The following VPS41 variants were observed in gnomAD, a reference collection of about 807,000 sequenced individuals.
The protein encoded by VPS41 is vacuolar protein sorting-associated protein 41 homolog.
Under a neutral mutation model 130.9 loss-of-function variants are expected in VPS41, and 85 were observed. That is an observed-to-expected ratio of 0.65 (90% CI 0.55 to 0.78). The LOEUF (loss-of-function observed/expected upper bound fraction) is 0.78. Ranked by LOEUF, VPS41 falls within the 30% of genes least tolerant of loss-of-function variation. The pLI is 0.00. For missense variants in VPS41, 874 were observed against 1,018.7 expected (o/e 0.86, Z 1.93); for synonymous variants, 335 against 332.9 (o/e 1.01, Z -0.07).
intron 11 of VPS41, among the ~76,000 whole-genome samples, chr7:38,774,887 C>T (rs1269426462): frequency 6.6e-6 from 1 of 152,060 alleles, no homozygotes; most frequent in African/African-American, 2.4e-5. Context: ...ACTAGGAGAA[C>T]ACCTTAATAA....
intron 4 of VPS41, among the ~76,000 whole-genome samples, chr7:38,851,543 AC>A (rs1222675126): frequency 6.6e-6 from 1 of 152,196 alleles, no homozygotes; most frequent in Non-Finnish European, 1.5e-5. Flanking sequence ...GTTTAGATAT[AC>A]CACATTTTGT....
rs150401866 is a variant in VPS41 at position 38,759,562 on chromosome 7, A to G, written c.1423-1081T>C. On this transcript the variant is annotated intron_variant, in intron 17 of 28. Transcript: ENST00000310301. Reference sequence around the variant, plus strand: ...GAAGAGTTGCAGGGAATATTATTGTACAATAAATCTCCATTTAGCATTCCT... The same window carrying G: ...GAAGAGTTGCAGGGAATATTATTGTGCAATAAATCTCCATTTAGCATTCCT... 2.9e-3 allele frequency among the ~76,000 whole-genome samples: 441 copies of G among 152,322 alleles called. 1 individual carries two copies. Among genetic ancestry groups the G allele is most frequent in the Non-Finnish European group, 4.8e-3 (328 of 68,014 alleles).
intron 17 of VPS41, among the ~76,000 whole-genome samples, chr7:38,760,362 C>T (rs1236858991): frequency 6.6e-6 from 1 of 152,140 alleles, no homozygotes; most frequent in Non-Finnish European, 1.5e-5. Flanking sequence ...AATTGCCTTC[C>T]TTTTGTTCCC....
At chr7:38,782,529 G>C (rs1301722296) in intron 10 of VPS41, among the ~76,000 whole-genome samples, 1 of 152,132 alleles carries the variant, frequency 6.6e-6, no homozygotes, top group African/African-American at 2.4e-5. Context: ...TTTTATGGGA[G>C]GACTAGGTAG....
At chr7:38,813,453 G>A (rs1250811014) in intron 7 of VPS41, among the ~76,000 whole-genome samples, 4 of 152,062 alleles carry the variant, frequency 2.6e-5, no homozygotes, top group African/African-American at 7.2e-5. Context: ...TACGTTGATG[G>A]TTACACAGCA....
chr7:38,809,476 T>G (rs1477194312), intron 7 of VPS41, among the ~76,000 whole-genome samples: 2 of 151,704 alleles, frequency 1.3e-5, no homozygotes, highest in African/African-American at 4.8e-5. Flanking sequence ...AATAATAATT[T>G]TTTAAATATT....
At chr7:38,846,864 G>A (rs777846009) in intron 4 of VPS41, among the ~76,000 whole-genome samples, 43 of 152,234 alleles carry the variant, frequency 2.8e-4, no homozygotes, top group Admixed American at 1.6e-3. Flanking sequence ...AGGATAAAAC[G>A]TCACAGAGAT....
intron 2 of VPS41, among the ~76,000 whole-genome samples, chr7:38,869,963 G>C (rs1158507624): frequency 6.6e-6 from 1 of 152,132 alleles, no homozygotes; most frequent in Non-Finnish European, 1.5e-5. Context: ...GCATCAAAGG[G>C]CTGCTGAGGC....
In VPS41 at chr7:38,752,321, G is replaced by C. The variant is rs533920107; in HGVS notation, c.1789-8C>G. 107 of 1,613,216 alleles carry C rather than the reference G, an allele frequency of 6.6e-5. No homozygotes were observed. Among genetic ancestry groups the C allele is most frequent in the Non-Finnish European group, 8.6e-5 (101 of 1,179,620 alleles). ...GAAAAGCTTATGCAAATACTAAAAG[G>C]AACAAAAGATAAGCCGTGACCCATT... On this transcript the variant is annotated splice_polypyrimidine_tract_variant and splice_region_variant and intron_variant, in intron 21 of 28. Coordinates refer to ENST00000310301, the MANE Select transcript of VPS41 (RefSeq NM_014396.4).
intron 27 of VPS41, 67 bp from the exon 28 acceptor site, chr7:38,727,055 C>A (rs796961358): frequency 1.5e-6 from 2 of 1,378,502 alleles, no homozygotes; most frequent in East Asian, 2.7e-5. Flanking sequence ...AAACCAATCC[C>A]GACTGAAAGT....
intron 25 of VPS41, among the ~76,000 whole-genome samples, chr7:38,740,093 G>A (rs1231854306): frequency 1.3e-5 from 2 of 152,164 alleles, no homozygotes; most frequent in East Asian, 3.9e-4. Flanking sequence ...CATTGCGGAG[G>A]CTGGCGAAAA....
intron 11 of VPS41, 96 bp from the exon 12 acceptor site, chr7:38,774,340 C>A (rs1162427924): frequency 5.1e-6 from 6 of 1,167,550 alleles, no homozygotes; most frequent in African/African-American, 1.6e-5. Flanking sequence ...TTTCTTCTCA[C>A]ACTCCTATGA....
chr7:38,723,413 G>A lies in VPS41; in HGVS notation c.*2833C>T, dbSNP rs1306129123. On this transcript the variant is annotated 3_prime_UTR_variant, in exon 29 of 29. Coordinates refer to ENST00000310301, the MANE Select transcript of VPS41 (RefSeq NM_014396.4). ...GTACTCCAAAATAATTTTGCACCTGGCTGTTTTACACTTCAAGAATAGCTT... is the reference window on the plus strand; with the variant it reads ...GTACTCCAAAATAATTTTGCACCTGACTGTTTTACACTTCAAGAATAGCTT... 2 of 152,058 alleles carry A rather than the reference G, an allele frequency of 1.3e-5. No individual in the cohort carries two copies. Among genetic ancestry groups the A allele is most frequent in the African/African-American group, 4.8e-5 (2 of 41,406 alleles). The allele number at this position is 152,058 out of a possible 1,614,324, so 9.4% of individuals were successfully genotyped here.
intron 9 of VPS41, among the ~76,000 whole-genome samples, chr7:38,795,217 T>C (rs1246683491): frequency 1.3e-5 from 2 of 152,146 alleles, no homozygotes; most frequent in Non-Finnish European, 2.9e-5. Flanking sequence ...TAAAAGAAGA[T>C]TGAAAAAGAC....
chr7:38,725,536 G>A lies in VPS41; in HGVS notation c.*710C>T, dbSNP rs1245623318. On this transcript the variant is annotated 3_prime_UTR_variant, in exon 29 of 29. Coordinates refer to ENST00000310301, the MANE Select transcript of VPS41 (RefSeq NM_014396.4). ...TTCTTAACTGCATTTGTTTATCCCA[G>A]TAAAAGTGAGTCCTTCACAATGAGA... The A allele has an allele frequency of 6.6e-6, 1 of 152,144 alleles. No individual in the cohort carries two copies. The highest frequency in any genetic ancestry group is 2.4e-5 in the African/African-American group (1 of 41,384). 9.4% of individuals were successfully genotyped at this position (152,144 alleles called of 1,614,324 possible). A position where few individuals can be genotyped will look rare whatever the true frequency, so the allele number is the denominator to read the frequency against.
rs527972612 is a variant in VPS41 at position 38,724,288 on chromosome 7, A to G, written c.*1958T>C. ...CTTTTCTGGAAATGAGCTTGCTCAAATCATAAGTGAGGATTAATGTAAATG... is the reference window on the plus strand; with the variant it reads ...CTTTTCTGGAAATGAGCTTGCTCAAGTCATAAGTGAGGATTAATGTAAATG... On this transcript the variant is annotated 3_prime_UTR_variant, in exon 29 of 29. Coordinates refer to ENST00000310301, the MANE Select transcript of VPS41 (RefSeq NM_014396.4). The G allele has an allele frequency of 2.0e-5, 3 of 152,352 alleles. No homozygotes were observed. Among genetic ancestry groups the G allele is most frequent in the Admixed American group, 1.3e-4 (2 of 15,302 alleles). 9.4% of individuals were successfully genotyped at this position (152,352 alleles called of 1,614,324 possible). A position where few individuals can be genotyped will look rare whatever the true frequency, so the allele number is the denominator to read the frequency against.
intron 12 of VPS41, among the ~76,000 whole-genome samples, chr7:38,773,705 G>A (rs1222064460): frequency 6.6e-6 from 1 of 152,126 alleles, no homozygotes; most frequent in Non-Finnish European, 1.5e-5. Context: ...CAGGCTCTGA[G>A]CACTCAGTTA....
chr7:38,793,613 T>A (rs532209705), intron 9 of VPS41, among the ~76,000 whole-genome samples: 1 of 152,298 alleles, frequency 6.6e-6, no homozygotes, highest in South Asian at 2.1e-4. Context: ...ACAACAGAGA[T>A]GTTGTTTTAA....
At chr7:38,880,645 G>C (rs1174958815) in intron 2 of VPS41, among the ~76,000 whole-genome samples, 3 of 152,164 alleles carry the variant, frequency 2.0e-5, no homozygotes, top group African/African-American at 7.2e-5. Flanking sequence ...GGGGAAAACA[G>C]TCATATTCTA....
Sources: allele counts gnomAD v4.1 joint callset (sites outside exome capture counted in the v4.1 genomes callset), GRCh38; gene constraint gnomAD v4.1.1; transcripts MANE v1.5; gene names NCBI Gene and HGNC (gene_info 2026-07-23, HGNC 2026-07-21).